The following CTNNA2 variants were observed in gnomAD, a reference collection of about 807,000 sequenced individuals.
The protein encoded by CTNNA2 is catenin alpha-2.
In CTNNA2, 42 loss-of-function variants were observed where a neutral mutation model predicts 101.0. That is an observed-to-expected ratio of 0.42 (90% CI 0.32 to 0.54). The LOEUF (loss-of-function observed/expected upper bound fraction) is 0.54. Among genes scored for constraint, CTNNA2 ranks in the 20% least tolerant of loss-of-function variants. CTNNA2 has a pLI of 0.14. For synonymous variants in CTNNA2, 450 were observed against 456.4 expected, an observed-to-expected ratio of 0.99 and a Z score of 0.18; for missense variants, 871 against 1,223.1, an observed-to-expected ratio of 0.71 and a Z score of 4.29.
chr2:79,663,852 T>C (rs1256584729), intron 2 of CTNNA2, among the ~76,000 whole-genome samples: 1 of 152,242 alleles, frequency 6.6e-6, no homozygotes, highest in Non-Finnish European at 1.5e-5. Context: ...AAGTGTTTGA[T>C]AAATATTTGT....
intron 7 of CTNNA2, among the ~76,000 whole-genome samples, chr2:79,965,054 C>A (rs1343456099): frequency 6.6e-6 from 1 of 152,174 alleles, no homozygotes; most frequent in Non-Finnish European, 1.5e-5. Context: ...GCTTGAATGG[C>A]ATTTCGAAGC....
chr2:79,933,924 G>A (rs2974143), intron 7 of CTNNA2, among the ~76,000 whole-genome samples: 110,660 of 152,110 alleles, frequency 0.73, 41,030 homozygotes, highest in East Asian at 0.88. Context: ...ATTGCATATG[G>A]AGCATTTAAA....
chr2:80,393,223 GA>G lies in CTNNA2; in HGVS notation c.1074del (p.Gly359GlufsTer11). 6.2e-7 allele frequency: 1 copy of G among 1,608,136 alleles called. No individual in the cohort carries two copies. Among genetic ancestry groups the G allele is most frequent in the Non-Finnish European group, 8.5e-7 (1 of 1,177,148 alleles). ...SEYMNNTGRK[E>X]KGDPLNIAID... is the part of the protein sequence containing the mutation. Reference sequence around the variant, plus strand: ...CTTTTCTTAATAGACTGGAAGGAAAGAAAAAGGAGATCCTCTCAACATTGCG... The same window carrying G: ...CTTTTCTTAATAGACTGGAAGGAAAGAAAAGGAGATCCTCTCAACATTGCG... On this transcript the variant is annotated frameshift_variant, in exon 8 of 19. Transcript: ENST00000402739. LOFTEE classifies it high-confidence loss of function.
At chr2:80,099,050 C>T (rs1158190212) in intron 7 of CTNNA2, among the ~76,000 whole-genome samples, 2 of 151,928 alleles carry the variant, frequency 1.3e-5, no homozygotes, top group African/African-American at 2.4e-5. Flanking sequence ...TGAGATGAAC[C>T]CGGTACCTCA....
intron 4 of CTNNA2, among the ~76,000 whole-genome samples, chr2:79,471,498 C>G (rs919258177): frequency 1.3e-5 from 2 of 152,220 alleles, no homozygotes; most frequent in Non-Finnish European, 2.9e-5. Context: ...CATGATGGCT[C>G]TATTCTCATA....
At chr2:80,463,983 C>G (rs191598229) in intron 9 of CTNNA2, among the ~76,000 whole-genome samples, 1 of 152,154 alleles carries the variant, frequency 6.6e-6, no homozygotes, top group Non-Finnish European at 1.5e-5. Flanking sequence ...TCTTCTGCCT[C>G]TTCCTTTATC....
intron 6 of CTNNA2, among the ~76,000 whole-genome samples, chr2:79,892,815 T>A (rs1056513800): frequency 1.3e-5 from 2 of 152,186 alleles, no homozygotes; most frequent in African/African-American, 4.8e-5. Flanking sequence ...CACTGCAACA[T>A]CCATAACATC....
intron 7 of CTNNA2, among the ~76,000 whole-genome samples, chr2:80,222,189 G>A (rs112914855): frequency 6.6e-6 from 1 of 152,034 alleles, no homozygotes; most frequent in South Asian, 2.1e-4. Context: ...TCAGCCATAG[G>A]CCCCATCATC....
At chr2:79,258,308 G>A (rs987208082) in intron 2 of CTNNA2, among the ~76,000 whole-genome samples, 3 of 152,130 alleles carry the variant, frequency 2.0e-5, no homozygotes, top group African/African-American at 7.2e-5. Flanking sequence ...TCTATTCTTG[G>A]TTTGGTCATT....
At chr2:80,254,731 A>G (rs1368114488) in intron 7 of CTNNA2, among the ~76,000 whole-genome samples, 1 of 152,190 alleles carries the variant, frequency 6.6e-6, no homozygotes, top group East Asian at 1.9e-4. Flanking sequence ...CTAAATTTAG[A>G]AAAGCATTAA....
chr2:79,446,812 T>A (rs1484462627), intron 4 of CTNNA2, among the ~76,000 whole-genome samples: 1 of 152,002 alleles, frequency 6.6e-6, no homozygotes, highest in East Asian at 1.9e-4. Flanking sequence ...TTAATGCTGA[T>A]GTTTATGCCA....
intron 7 of CTNNA2, among the ~76,000 whole-genome samples, chr2:80,213,066 T>G (rs1047552697): frequency 3.9e-5 from 6 of 152,212 alleles, no homozygotes; most frequent in African/African-American, 1.2e-4. Flanking sequence ...GATATCCCCT[T>G]TATCATTTTT....
chr2:79,965,226 G>A (rs2916490), intron 7 of CTNNA2, among the ~76,000 whole-genome samples: 38,149 of 152,030 alleles, frequency 0.25, 5,153 homozygotes, highest in Middle Eastern at 0.4. Context: ...GAATGACATT[G>A]GATGTGAAAT....
intron 18 of CTNNA2, among the ~76,000 whole-genome samples, chr2:80,642,724 T>G (rs1045529259): frequency 6.6e-6 from 1 of 152,180 alleles, no homozygotes; most frequent in Non-Finnish European, 1.5e-5. Context: ...TTCAGAAATA[T>G]TCAGTTGATA....
intron 4 of CTNNA2, among the ~76,000 whole-genome samples, chr2:79,413,411 T>C (rs544350842): frequency 1.1e-4 from 16 of 152,196 alleles, no homozygotes; most frequent in African/African-American, 3.4e-4. Flanking sequence ...TTTTTGTGGC[T>C]GAATAGTATT....
chr2:79,712,050 G>A (rs1348795205), intron 2 of CTNNA2, among the ~76,000 whole-genome samples: 1 of 152,150 alleles, frequency 6.6e-6, no homozygotes, highest in Admixed American at 6.5e-5. Flanking sequence ...TGTTCATGAG[G>A]CATTGATAAA....
intron 4 of CTNNA2, among the ~76,000 whole-genome samples, chr2:79,411,724 C>G (rs1012402234): frequency 2.5e-4 from 38 of 152,142 alleles, no homozygotes; most frequent in African/African-American, 8.4e-4. Flanking sequence ...CAGGCCTGCT[C>G]TAAAAGAGCT....
chr2:80,405,978 T>G (rs1215694238), intron 8 of CTNNA2, among the ~76,000 whole-genome samples: 2 of 152,236 alleles, frequency 1.3e-5, no homozygotes, highest in Non-Finnish European at 2.9e-5. Flanking sequence ...ATTTGATTCC[T>G]TCAATTTCAA....
At chr2:79,915,432 A>G (rs1398966523) in intron 7 of CTNNA2, among the ~76,000 whole-genome samples, 1 of 152,216 alleles carries the variant, frequency 6.6e-6, no homozygotes, top group East Asian at 1.9e-4. Flanking sequence ...TACCATATCA[A>G]TAAACATTCT....
Sources: allele counts gnomAD v4.1 joint callset (sites outside exome capture counted in the v4.1 genomes callset), GRCh38; gene constraint gnomAD v4.1.1; transcripts MANE v1.5; gene names NCBI Gene and HGNC (gene_info 2026-07-23, HGNC 2026-07-21).